The following PRKD1 variants were observed in gnomAD, a reference collection of about 807,000 sequenced individuals.
PRKD1 encodes serine/threonine-protein kinase D1.
Under a neutral mutation model 95.9 loss-of-function variants are expected in PRKD1, and 63 were observed. The observed-to-expected ratio is 0.66, with a 90% CI of 0.54 to 0.81. The LOEUF is 0.81. Ranked by LOEUF, PRKD1 falls within the 30% of genes least tolerant of loss-of-function variation. PRKD1 has a pLI of 0.00. For synonymous variants in PRKD1, 425 were observed against 423.1 expected, an observed-to-expected ratio of 1.00 and a Z score of -0.05; for missense variants, 1,048 against 1,165.3, an observed-to-expected ratio of 0.90 and a Z score of 1.47.
chr14:29,927,432 C>T lies in PRKD1; in HGVS notation c.81G>A (p.Leu27=). 1.5e-6 allele frequency: 2 copies of T among 1,378,048 alleles called. No individual in the cohort carries two copies. Among genetic ancestry groups the T allele is most frequent in the Middle Eastern group, 2.2e-4 (1 of 4,486 alleles). 85.4% of individuals were successfully genotyped at this position (1,378,048 alleles called of 1,614,324 possible). ...AAAAAAAAAA[L]VPGSGPGPAP... ...CGGGCCCGGGCCCGGACCCTGGGACCAGTGCGGCGGCCGCTGCGGCAGCTG... is the reference window on the plus strand; with the variant it reads ...CGGGCCCGGGCCCGGACCCTGGGACTAGTGCGGCGGCCGCTGCGGCAGCTG... The change falls in exon 1 of 18, where the codon CTG becomes CTA. Residue 27 remains leucine (L), a synonymous_variant. Coordinates refer to ENST00000331968, the MANE Select transcript of PRKD1 (RefSeq NM_002742.3).
chr14:29,601,173 C>A (rs954076772), intron 13 of PRKD1, among the ~76,000 whole-genome samples: 3 of 152,160 alleles, frequency 2.0e-5, no homozygotes, highest in Non-Finnish European at 4.4e-5. Flanking sequence ...TGGTGAGCAG[C>A]AGAAGGGGTT....
At chr14:29,727,808 C>T (rs1038846121) in intron 1 of PRKD1, among the ~76,000 whole-genome samples, 1 of 151,670 alleles carries the variant, frequency 6.6e-6, no homozygotes, top group African/African-American at 2.4e-5. Flanking sequence ...GGCACATATA[C>T]ACCATGGAAT....
At chr14:29,755,151 C>G (rs936923415) in intron 1 of PRKD1, among the ~76,000 whole-genome samples, 3 of 152,076 alleles carry the variant, frequency 2.0e-5, no homozygotes, top group African/African-American at 7.2e-5. Flanking sequence ...CTCTTCATAG[C>G]TTTTAACCAT....
chr14:29,881,363 C>T (rs1893506135), intron 1 of PRKD1, among the ~76,000 whole-genome samples: 1 of 152,136 alleles, frequency 6.6e-6, no homozygotes, highest in Non-Finnish European at 1.5e-5. Context: ...CCTTTCACCT[C>T]CCACCATGAT....
chr14:29,609,652 C>A (rs1051769434), intron 13 of PRKD1, among the ~76,000 whole-genome samples: 1 of 151,532 alleles, frequency 6.6e-6, no homozygotes, highest in African/African-American at 2.4e-5. Flanking sequence ...GGAATTCTTT[C>A]ACTTCAGCCT....
At chr14:29,727,161 AT>A (rs1303481991) in intron 1 of PRKD1, among the ~76,000 whole-genome samples, 1 of 151,958 alleles carries the variant, frequency 6.6e-6, no homozygotes, top group Non-Finnish European at 1.5e-5. Flanking sequence ...GATGGTGAGC[AT>A]TTTTTCATGT....
intron 2 of PRKD1, among the ~76,000 whole-genome samples, chr14:29,708,448 T>C (rs1168000928): frequency 3.3e-5 from 5 of 152,222 alleles, no homozygotes; most frequent in Non-Finnish European, 7.3e-5. Flanking sequence ...AATTTCAAAA[T>C]GTATTGGTGG....
intron 1 of PRKD1, among the ~76,000 whole-genome samples, chr14:29,782,706 A>G (rs1889102961): frequency 6.7e-6 from 1 of 150,148 alleles, no homozygotes; most frequent in Non-Finnish European, 1.5e-5. Context: ...TGCCCAGCTA[A>G]TTTTTTTTCT....
Position 29,577,195 on chromosome 14 carries a change from T to G in PRKD1, c.*43A>C. The G allele has an allele frequency of 6.4e-7, 1 of 1,560,616 alleles. No homozygotes were observed. The highest frequency in any genetic ancestry group is 8.8e-7 in the Non-Finnish European group (1 of 1,133,434). On this transcript the variant is annotated 3_prime_UTR_variant, in exon 18 of 18. Coordinates refer to ENST00000331968, the MANE Select transcript of PRKD1 (RefSeq NM_002742.3). ...AAATGTTAAACCTGACCGTATGTAT[T>G]TATTAGTTCCACAGTGTTTTGACAG...
intron 13 of PRKD1, among the ~76,000 whole-genome samples, chr14:29,612,704 C>T (rs2139052966): frequency 6.6e-6 from 1 of 152,132 alleles, no homozygotes; most frequent in Non-Finnish European, 1.5e-5. Flanking sequence ...CTATTTTAGA[C>T]ATATATACAT....
chr14:29,664,189 T>A (rs1471271274), intron 3 of PRKD1, among the ~76,000 whole-genome samples: 1 of 152,194 alleles, frequency 6.6e-6, no homozygotes, highest in East Asian at 1.9e-4. Flanking sequence ...TAAGTTCAAA[T>A]GTGAGTGGAC....
At chr14:29,840,079 T>C (rs957865635) in intron 1 of PRKD1, among the ~76,000 whole-genome samples, 4 of 152,188 alleles carry the variant, frequency 2.6e-5, no homozygotes, top group Non-Finnish European at 4.4e-5. Context: ...AATGGGATTT[T>C]CTTTTCTATC....
In PRKD1 at chr14:29,826,734, CAT is replaced by C. The variant is rs1191869546; in HGVS notation, c.264+100513_264+100514del. Among the ~76,000 whole-genome samples, 18 of 62,360 alleles carry C rather than the reference CAT, an allele frequency of 2.9e-4. 2 individuals are homozygous for C. The highest frequency in any genetic ancestry group is 1.1e-3 in the South Asian group (2 of 1,878). The allele number at this position is 62,360 out of a possible 152,430, so 40.9% of individuals were successfully genotyped here. A position where few individuals can be genotyped will look rare whatever the true frequency, so the allele number is the denominator to read the frequency against. On this transcript the variant is annotated intron_variant, in intron 1 of 17. Transcript: ENST00000331968. Reference sequence around the variant, plus strand: ...ACATATATATATACATATATATACACATATATATACACATATATATATACATA... The same window carrying C: ...ACATATATATATACATATATATACACATATATACACATATATATATACATA...
Position 29,778,733 on chromosome 14 carries a change from T to C in PRKD1, c.265-53059A>G, listed in dbSNP as rs115816231. Among the ~76,000 whole-genome samples the C allele has an allele frequency of 8.4e-3, 1,277 of 152,328 alleles. 18 individuals are homozygous for C. Among genetic ancestry groups the C allele is most frequent in the African/African-American group, 0.029 (1,191 of 41,568 alleles). On this transcript the variant is annotated intron_variant, in intron 1 of 17. Coordinates refer to ENST00000331968, the MANE Select transcript of PRKD1 (RefSeq NM_002742.3). Reference sequence around the variant, plus strand: ...TACAAGGAGGAGCTGTTTCCATTCCTTCTGAAATGATTCCAATTGATAGAA... The same window carrying C: ...TACAAGGAGGAGCTGTTTCCATTCCCTCTGAAATGATTCCAATTGATAGAA...
chr14:29,820,698 T>G (rs1279831236), intron 1 of PRKD1, among the ~76,000 whole-genome samples: 1 of 152,194 alleles, frequency 6.6e-6, no homozygotes, highest in Admixed American at 6.5e-5. Flanking sequence ...AGATGCTGAA[T>G]GGCCTTGTAT....
intron 13 of PRKD1, among the ~76,000 whole-genome samples, chr14:29,614,918 C>T (rs1396643990): frequency 2.8e-5 from 4 of 143,894 alleles, no homozygotes; most frequent in Non-Finnish European, 6.0e-5. Flanking sequence ...CGCCATGTTG[C>T]CCAGGCTGGT....
At chr14:29,621,680 G>A (rs1301159977) in intron 13 of PRKD1, among the ~76,000 whole-genome samples, 2 of 152,162 alleles carry the variant, frequency 1.3e-5, no homozygotes, top group Admixed American at 6.5e-5. Context: ...GCATAGCTGA[G>A]TGATATAATT....
rs75482466 is a variant in PRKD1 at position 29,622,030 on chromosome 14, C to T, written c.1905+2122G>A. Among the ~76,000 whole-genome samples, 913 of 152,206 alleles carry T rather than the reference C, an allele frequency of 6.0e-3. 7 individuals carry two copies. Among genetic ancestry groups the T allele is most frequent in the African/African-American group, 0.02 (826 of 41,536 alleles). On this transcript the variant is annotated intron_variant, in intron 13 of 17. Transcript: ENST00000331968. Reference sequence around the variant, plus strand: ...ATATTTTAGAGCCGTGGTCCCCAACCTTTTTGGCAACAGGGACAGGTTTAG... The same window carrying T: ...ATATTTTAGAGCCGTGGTCCCCAACTTTTTTGGCAACAGGGACAGGTTTAG...
intron 1 of PRKD1, among the ~76,000 whole-genome samples, chr14:29,850,401 T>C (rs971966574): frequency 6.6e-6 from 1 of 151,692 alleles, no homozygotes; most frequent in East Asian, 1.9e-4. Flanking sequence ...AGCATTTCTA[T>C]ACAAAATAAC....
Sources: allele counts gnomAD v4.1 joint callset (sites outside exome capture counted in the v4.1 genomes callset), GRCh38; gene constraint gnomAD v4.1.1; transcripts MANE v1.5; gene names NCBI Gene and HGNC (gene_info 2026-07-23, HGNC 2026-07-21).